Variants in TIAM1 observed in about 807,000 individuals in gnomAD.
TIAM1 encodes the protein rho guanine nucleotide exchange factor TIAM1.
A neutral mutation model predicts 163.5 loss-of-function variants in TIAM1; 65 were observed. The observed-to-expected ratio is 0.40, with a 90% CI of 0.33 to 0.49. The LOEUF is 0.49. Ranked by LOEUF, TIAM1 falls within the 20% of genes least tolerant of loss-of-function variation. The probability of loss-of-function intolerance (pLI) is 0.77; values close to 1 mark genes in which losing one functional copy is unlikely to be tolerated. For missense variants in TIAM1, 1,789 were observed against 2,044.7 expected, an observed-to-expected ratio of 0.87 and a Z score of 2.41; for synonymous variants, 833 against 810.1, an observed-to-expected ratio of 1.03 and a Z score of -0.48.
chr21:31,182,316 T>C (rs2085068853), intron 15 of TIAM1, 105 bp downstream of exon 15: 1 of 966,952 alleles, frequency 1.0e-6, no homozygotes, highest in Admixed American at 3.2e-5. Flanking sequence ...TTATACCACC[T>C]GCCAGACAGA....
intron 1 of TIAM1, among the ~76,000 whole-genome samples, chr21:31,538,917 C>T (rs1449732777): frequency 7.9e-5 from 12 of 152,204 alleles, no homozygotes; most frequent in Non-Finnish European, 1.5e-5. Flanking sequence ...TCATTCCAGC[C>T]ACCTACCATG....
At chr21:31,151,437 T>C (rs2083366467) in intron 19 of TIAM1, among the ~76,000 whole-genome samples, 1 of 152,162 alleles carries the variant, frequency 6.6e-6, no homozygotes, top group Admixed American at 6.5e-5. Flanking sequence ...TCAGTACAAC[T>C]ACGCTGAGTG....
chr21:31,234,096 A>AT (rs2088598376), intron 6 of TIAM1, among the ~76,000 whole-genome samples: 1 of 152,136 alleles, frequency 6.6e-6, no homozygotes, highest in South Asian at 2.1e-4. Context: ...CCAGTCAAGG[A>AT]TCACCAGACA....
At chr21:31,413,339 A>G (rs1249591516) in intron 2 of TIAM1, among the ~76,000 whole-genome samples, 1 of 131,252 alleles carries the variant, frequency 7.6e-6, no homozygotes, top group Non-Finnish European at 1.5e-5. Context: ...GCACGATCTC[A>G]GCTCACTGCA....
At chr21:31,184,721 A>G (rs946038907) in intron 14 of TIAM1, among the ~76,000 whole-genome samples, 1 of 152,182 alleles carries the variant, frequency 6.6e-6, no homozygotes, top group African/African-American at 2.4e-5. Flanking sequence ...AAATCCTGTC[A>G]TCTCTGCTCT....
At chr21:31,405,117 A>G (rs2077225347) in intron 2 of TIAM1, among the ~76,000 whole-genome samples, 2 of 152,084 alleles carry the variant, frequency 1.3e-5, no homozygotes, top group Admixed American at 6.6e-5. Context: ...ATGGTGGTGC[A>G]CAAACTGTGG....
intron 9 of TIAM1, 53 bp from the exon 10 acceptor site, chr21:31,213,525 G>A (rs773768992): frequency 3.8e-5 from 58 of 1,506,778 alleles, no homozygotes; most frequent in Admixed American, 2.5e-4. Context: ...CAGGGCAAAC[G>A]AAACGTAGGA....
intron 11 of TIAM1, among the ~76,000 whole-genome samples, chr21:31,208,150 T>C (rs1399247822): frequency 5.0e-4 from 76 of 152,236 alleles, no homozygotes; most frequent in Admixed American, 5.0e-3. Context: ...ATTCCCCTAG[T>C]TTCTTCCAAA....
At chr21:31,167,635 G>A (rs990740627) in intron 15 of TIAM1, among the ~76,000 whole-genome samples, 15 of 152,172 alleles carry the variant, frequency 9.9e-5, no homozygotes, top group African/African-American at 2.4e-5. Flanking sequence ...CCCACAGGGT[G>A]TGAGAACCTG....
intron 2 of TIAM1, among the ~76,000 whole-genome samples, chr21:31,352,407 A>G (rs2076248893): frequency 6.6e-6 from 1 of 152,046 alleles, no homozygotes; most frequent in East Asian, 1.9e-4. Flanking sequence ...AACATTGTGA[A>G]TGTAATTAAT....
chr21:31,535,880 G>A (rs1411202731), intron 1 of TIAM1, among the ~76,000 whole-genome samples: 1 of 152,140 alleles, frequency 6.6e-6, no homozygotes, highest in African/African-American at 2.4e-5. Context: ...GGCCCATCAG[G>A]TGCCAGCAGC....
intron 2 of TIAM1, among the ~76,000 whole-genome samples, chr21:31,321,301 G>T (rs1211127137): frequency 2.0e-5 from 3 of 151,888 alleles, no homozygotes; most frequent in Admixed American, 2.0e-4. Flanking sequence ...GGTCCACACT[G>T]CCTTCTCAGA....
At chr21:31,152,611 C>A (rs1456041811) in intron 19 of TIAM1, 25 bp downstream of exon 19, 1 of 1,613,096 alleles carries the variant, frequency 6.2e-7, no homozygotes, top group Non-Finnish European at 8.5e-7. Context: ...AGCCCTGACG[C>A]TGGAGGCAGC....
chr21:31,458,762 GA>G (rs2045210836), intron 2 of TIAM1, among the ~76,000 whole-genome samples: 1 of 151,528 alleles, frequency 6.6e-6, no homozygotes, highest in Admixed American at 6.6e-5. Flanking sequence ...GGAGGGGAGG[GA>G]GGGGTCTGGG....
intron 16 of TIAM1, among the ~76,000 whole-genome samples, chr21:31,157,918 A>G (rs2083706882): frequency 6.6e-6 from 1 of 152,190 alleles, no homozygotes; most frequent in African/African-American, 2.4e-5. Flanking sequence ...AAACATGGGG[A>G]TCTGACACAT....
chr21:31,225,867 CT>C lies in TIAM1; in HGVS notation c.1667del (p.Lys556ArgfsTer8). 6.2e-7 allele frequency: 1 copy of C among 1,614,144 alleles called. No individual in the cohort carries two copies. Among genetic ancestry groups the C allele is most frequent in the Non-Finnish European group, 8.5e-7 (1 of 1,180,038 alleles). On this transcript the variant is annotated frameshift_variant, in exon 7 of 28. Coordinates refer to ENST00000541036, the MANE Select transcript of TIAM1 (RefSeq NM_001353694.2). LOFTEE classifies it high-confidence loss of function. ...ATTTCAGGAGTCGGAGCGTGTCTTC[CT>C]TGTGGTGGTGCCTCGCGACCGCAGT... The part of the protein sequence containing the change: ...CATAVARHHH[K>X]EDTLRLLKSE...
intron 2 of TIAM1, among the ~76,000 whole-genome samples, chr21:31,451,955 C>T (rs1206803959): frequency 6.6e-6 from 1 of 152,072 alleles, no homozygotes; most frequent in Non-Finnish European, 1.5e-5. Flanking sequence ...GTGGCTGGAA[C>T]ACTGGAGGTG....
rs573188499 is a variant in TIAM1, at chr21:31,540,559, G to A, written c.-422+18368C>T. Among the ~76,000 whole-genome samples, 21 of 152,280 alleles carry A rather than the reference G, an allele frequency of 1.4e-4. No homozygotes were observed. In the South Asian group the frequency reaches 2.3e-3, roughly 17 times the overall value. The stretch of plus-strand genomic sequence containing the variant: ...TTTGTGACCAGCTTGGGCAACATAC[G>A]GGGACCCCCATCTCTGCAGATGAGG... On this transcript the variant is annotated intron_variant, in intron 1 of 28. Coordinates refer to the TIAM1 transcript ENST00000286827.
At chr21:31,469,763 C>A (rs927166209) in intron 1 of TIAM1, among the ~76,000 whole-genome samples, 1 of 152,020 alleles carries the variant, frequency 6.6e-6, no homozygotes, top group African/African-American at 2.4e-5. Context: ...ACCCGGGAGG[C>A]AGAGCTTGCA....
Sources: allele counts gnomAD v4.1 joint callset (sites outside exome capture counted in the v4.1 genomes callset), GRCh38; gene constraint gnomAD v4.1.1; transcripts MANE v1.5; gene names NCBI Gene and HGNC (gene_info 2026-07-23, HGNC 2026-07-21).